RHOQ: variants seen among roughly 807,000 people sequenced by gnomAD.
The protein encoded by RHOQ is ras homolog family member Q, also known as rho-related GTP-binding protein RhoQ.
RHOQ carries 7 observed loss-of-function variants against 25.8 expected under a neutral mutation model. The ratio of observed to expected loss-of-function variants is 0.27; its 90% CI spans 0.15 to 0.51. The LOEUF is 0.51. Ranked by LOEUF, RHOQ falls within the 20% of genes least tolerant of loss-of-function variation. The pLI, the probability that RHOQ is intolerant of heterozygous loss-of-function variation, is 0.97. For missense variants in RHOQ, 165 were observed against 260.6 expected (o/e 0.63, Z 2.53); for synonymous variants, 97 against 98.6 (o/e 0.98, Z 0.10).
intron 2 of RHOQ, among the ~76,000 whole-genome samples, chr2:46,557,730 T>C (rs1365436575): frequency 6.6e-6 from 1 of 152,218 alleles, no homozygotes; most frequent in Non-Finnish European, 1.5e-5. Flanking sequence ...TCCTCTTTAC[T>C]TCTCCTGCAG....
chr2:46,550,123 C>T (rs1487633299), intron 2 of RHOQ, among the ~76,000 whole-genome samples: 3 of 151,712 alleles, frequency 2.0e-5, no homozygotes, highest in Admixed American at 6.6e-5. Context: ...GTCCCAGCTA[C>T]TCAGGAGGCT....
At chr2:46,570,649 C>T (rs1022483248) in intron 2 of RHOQ, among the ~76,000 whole-genome samples, 1 of 152,172 alleles carries the variant, frequency 6.6e-6, no homozygotes, top group Non-Finnish European at 1.5e-5. Flanking sequence ...TTGGACTTCT[C>T]GCTAGAAACA....
At chr2:46,546,984 C>T (rs1464921027) in intron 2 of RHOQ, among the ~76,000 whole-genome samples, 1 of 152,162 alleles carries the variant, frequency 6.6e-6, no homozygotes. Context: ...CCAGTGCTCC[C>T]TGCCGTAAAT....
At chr2:46,580,626 C>T (rs566979845) in intron 4 of RHOQ, 11 of 210,644 alleles carry the variant, frequency 5.2e-5, no homozygotes, top group Non-Finnish European at 5.6e-5. Context: ...CACATGTGGA[C>T]GCCACACAGC....
intron 2 of RHOQ, among the ~76,000 whole-genome samples, chr2:46,565,670 G>C (rs916686722): frequency 6.6e-6 from 1 of 152,218 alleles, no homozygotes; most frequent in African/African-American, 2.4e-5. Context: ...AGGAGGTGCA[G>C]CTAGCACTGT....
rs773364308 is a variant in RHOQ at position 46,552,558 on chromosome 2, C to T, written c.201+8746C>T. Among the ~76,000 whole-genome samples, 1 of 152,346 alleles carries T rather than the reference C, an allele frequency of 6.6e-6. No homozygotes were observed. Among genetic ancestry groups the T allele is most frequent in the East Asian group, 1.9e-4 (1 of 5,188 alleles). Reference sequence around the variant, plus strand: ...TCATCTGAATATTCTCTAAATATGGCGCAAAACTTCCTCTGCCACCTGCTG... The same window carrying T: ...TCATCTGAATATTCTCTAAATATGGTGCAAAACTTCCTCTGCCACCTGCTG... On this transcript the variant is annotated intron_variant, in intron 2 of 4. Transcript: ENST00000238738. The surrounding 1 kb of genome is among the most constrained non-coding windows in gnomAD (Gnocchi z 5.0).
rs535551052 is a variant in RHOQ at position 46,583,927 on chromosome 2, T to G, written c.*2844T>G. Among the ~76,000 whole-genome samples, 10 of 152,310 alleles carry G rather than the reference T, an allele frequency of 6.6e-5. No individual in the cohort carries two copies. Among genetic ancestry groups the G allele is most frequent in the Non-Finnish European group, 1.3e-4 (9 of 68,000 alleles). ...GTTCTAAAGTTCTTAAAAATAAATT[T>G]AGGGGCTCCCTGAAATTTTATTTAA... On this transcript the variant is annotated 3_prime_UTR_variant, in exon 5 of 5. Coordinates refer to ENST00000238738, the MANE Select transcript of RHOQ (RefSeq NM_012249.4).
chr2:46,572,515 G>C (rs1270006286), intron 2 of RHOQ, among the ~76,000 whole-genome samples: 4 of 152,112 alleles, frequency 2.6e-5, no homozygotes, highest in African/African-American at 7.2e-5. Context: ...GATACTTCTG[G>C]TACTTAGCCA....
rs779234951 is a variant in RHOQ, at chr2:46,543,030, G to A, written c.-17G>A. The A allele has an allele frequency of 6.4e-7, 1 of 1,569,250 alleles. No homozygotes were observed. The highest frequency in any genetic ancestry group is 8.6e-7 in the Non-Finnish European group (1 of 1,160,830). ...GGGCTCCGGGGGGACCATGCCCGGAGGCCGGCCGGCAGCAGCATGGCTCAC... is the reference window on the plus strand; with the variant it reads ...GGGCTCCGGGGGGACCATGCCCGGAAGCCGGCCGGCAGCAGCATGGCTCAC... On this transcript the variant is annotated 5_prime_UTR_variant, in exon 1 of 5. Coordinates refer to ENST00000238738, the MANE Select transcript of RHOQ (RefSeq NM_012249.4).
At position 46,549,945 on chromosome 2, in the gene RHOQ, A is replaced by G. The variant is rs772689962; in HGVS notation, c.201+6133A>G. Among the ~76,000 whole-genome samples, 88 of 152,346 alleles carry G rather than the reference A, an allele frequency of 5.8e-4. No homozygotes were observed. The Middle Eastern group carries it at 0.017, about 29-fold the overall frequency. On this transcript the variant is annotated intron_variant, in intron 2 of 4. Transcript: ENST00000238738. Reference sequence around the variant, plus strand: ...ATACATCTTAAGGGGATTCATGGCCAGGCAGGGTGGCATGTTCTTGTCTGT... The same window carrying G: ...ATACATCTTAAGGGGATTCATGGCCGGGCAGGGTGGCATGTTCTTGTCTGT...
In RHOQ at chr2:46,548,659, G is replaced by T. The variant is rs1233522633; in HGVS notation, c.201+4847G>T. 6.6e-6 allele frequency among the ~76,000 whole-genome samples: 1 copy of T among 152,166 alleles called. No homozygotes were observed. The highest frequency in any genetic ancestry group is 6.5e-5 in the Admixed American group (1 of 15,282). On this transcript the variant is annotated intron_variant, in intron 2 of 4. Coordinates refer to ENST00000238738, the MANE Select transcript of RHOQ (RefSeq NM_012249.4). The surrounding 1 kb of genome is among the most constrained non-coding windows in gnomAD (Gnocchi z 5.2). ...GTGTTCCATCCTTGCTCAGCCCGGT[G>T]AGCAGAGCCTGGGAGGAGCCCCAGG...
rs1668411518 is a variant in RHOQ at position 46,556,391 on chromosome 2, C to T, written c.201+12579C>T. On this transcript the variant is annotated intron_variant, in intron 2 of 4. Transcript: ENST00000238738. The surrounding 1 kb of genome is among the most constrained non-coding windows in gnomAD (Gnocchi z 4.9). ...ACAAAGTGAAGTTCTGCTAGTTGTG[C>T]ACTTGTGGTGCTGCCTTCGCCCCTG... 6.6e-6 allele frequency among the ~76,000 whole-genome samples: 1 copy of T among 152,100 alleles called. No homozygotes were observed. The highest frequency in any genetic ancestry group is 2.1e-4 in the South Asian group (1 of 4,820).
intron 2 of RHOQ, chr2:46,568,429 C>G (rs1668803849): frequency 6.6e-6 from 1 of 152,130 alleles, no homozygotes; most frequent in Admixed American, 6.6e-5. Context: ...AACTCATGAC[C>G]ACGGGGAGGT....
In RHOQ at chr2:46,566,987, C is replaced by G. The variant is rs1486616740; in HGVS notation, c.202-9100C>G. Among the ~76,000 whole-genome samples the G allele has an allele frequency of 1.3e-5, 2 of 152,096 alleles. No individual in the cohort carries two copies. The highest frequency in any genetic ancestry group is 4.8e-5 in the African/African-American group (2 of 41,404). On this transcript the variant is annotated intron_variant, in intron 2 of 4. Transcript: ENST00000238738. The surrounding 1 kb of genome is among the most constrained non-coding windows in gnomAD (Gnocchi z 4.2). ...ATTTGTTCAATGCCTGATTTGATAC[C>G]TCAATTTTATCAGACCCATCTCCCA...
At chr2:46,546,737 C>G (rs1668082720) in intron 2 of RHOQ, among the ~76,000 whole-genome samples, 1 of 151,742 alleles carries the variant, frequency 6.6e-6, no homozygotes, top group Non-Finnish European at 1.5e-5. Flanking sequence ...TTAAAAGCAG[C>G]TGATACTTTG....
chr2:46,570,865 T>A (rs1386476368), intron 2 of RHOQ, among the ~76,000 whole-genome samples: 2 of 152,240 alleles, frequency 1.3e-5, no homozygotes, highest in African/African-American at 4.8e-5. Flanking sequence ...TGTTTCTCAT[T>A]CTAGGTTGTT....
intron 2 of RHOQ, chr2:46,560,450 A>G (rs1416669292): frequency 2.7e-6 from 1 of 365,644 alleles, no homozygotes. Flanking sequence ...TATGAAGAAC[A>G]AAGTTATAGT....
chr2:46,582,674 CT>C lies in RHOQ; in HGVS notation c.*1593del, dbSNP rs1245422360. 2.0e-5 allele frequency: 3 copies of C among 152,628 alleles called. No homozygotes were observed. The East Asian group carries it at 5.8e-4, about 29-fold the overall frequency. The allele number at this position is 152,628 out of a possible 1,614,324, so 9.5% of individuals were successfully genotyped here. On this transcript the variant is annotated 3_prime_UTR_variant, in exon 5 of 5. Transcript: ENST00000238738. ...CTTCTGTTAATTCACATGACTTGAG[CT>C]TATAGCTATGTCTACTGCACAGATT... is the stretch of plus-strand genomic sequence containing the variant.
rs1369875356 is a variant in RHOQ, at chr2:46,556,355, G to A, written c.201+12543G>A. On this transcript the variant is annotated intron_variant, in intron 2 of 4. Transcript: ENST00000238738. The surrounding 1 kb of genome is among the most constrained non-coding windows in gnomAD (Gnocchi z 4.9). ...CCCGGGCTCTGGGGACTATTTTCAG[G>A]GTTTCAAGGTACAAAGTGAAGTTCT... Among the ~76,000 whole-genome samples the A allele has an allele frequency of 6.6e-6, 1 of 152,056 alleles. No individual in the cohort carries two copies. Among genetic ancestry groups the A allele is most frequent in the Non-Finnish European group, 1.5e-5 (1 of 68,032 alleles).
Sources: gnomAD v4.1 joint callset for allele counts (sites outside exome capture counted in the v4.1 genomes callset) on GRCh38, gnomAD v4.1.1 for gene constraint, Gnocchi (gnomAD v3.1) non-coding constraint, MANE v1.5 for transcripts, NCBI Gene and HGNC (gene_info 2026-07-23, HGNC 2026-07-21) for gene names.